Variants in TAFA1 observed in about 807,000 individuals in gnomAD.
TAFA1 encodes the protein TAFA chemokine like family member 1.
Under a neutral mutation model 18.5 loss-of-function variants are expected in TAFA1, and 4 were observed. The observed-to-expected ratio is 0.22, with a 90% CI of 0.11 to 0.49. TAFA1 has a LOEUF of 0.49. Ranked by LOEUF, TAFA1 falls within the 20% of genes least tolerant of loss-of-function variation. The pLI is 0.98. For synonymous variants in TAFA1, 56 were observed against 55.2 expected, an observed-to-expected ratio of 1.01 and a Z score of -0.06; for missense variants, 147 against 169.0, an observed-to-expected ratio of 0.87 and a Z score of 0.72.
intron 2 of TAFA1, among the ~76,000 whole-genome samples, chr3:68,187,732 A>T (rs1238163746): frequency 6.6e-6 from 1 of 151,994 alleles, no homozygotes; most frequent in Non-Finnish European, 1.5e-5. Context: ...TTAGTAGAAA[A>T]TGCCAAGCAG....
At chr3:68,341,803 C>T (rs1040031470) in intron 2 of TAFA1, among the ~76,000 whole-genome samples, 9 of 151,978 alleles carry the variant, frequency 5.9e-5, no homozygotes, top group Middle Eastern at 3.2e-3. Flanking sequence ...GAGGAGTCAC[C>T]GAAGTAAAGG....
At chr3:68,430,054 T>C (rs969795990) in intron 3 of TAFA1, among the ~76,000 whole-genome samples, 1 of 151,958 alleles carries the variant, frequency 6.6e-6, no homozygotes, top group Non-Finnish European at 1.5e-5. Flanking sequence ...AGCCCCTTGC[T>C]GTCATGGAAC....
At chr3:68,415,038 T>A (rs1226927554) in intron 2 of TAFA1, among the ~76,000 whole-genome samples, 2 of 152,010 alleles carry the variant, frequency 1.3e-5, no homozygotes, top group Non-Finnish European at 2.9e-5. Flanking sequence ...AGTTAAAGAG[T>A]GTAATATATG....
At chr3:68,319,330 G>GC (rs2068660758) in intron 2 of TAFA1, among the ~76,000 whole-genome samples, 1 of 152,276 alleles carries the variant, frequency 6.6e-6, no homozygotes, top group African/African-American at 2.4e-5. Flanking sequence ...GGGCTATTTT[G>GC]CCCCCTTCCT....
intron 2 of TAFA1, among the ~76,000 whole-genome samples, chr3:68,333,018 T>C (rs2068908649): frequency 6.6e-6 from 1 of 152,198 alleles, no homozygotes; most frequent in Non-Finnish European, 1.5e-5. Flanking sequence ...GCTGGTGAGG[T>C]TGCAGAGAAA....
chr3:68,302,284 G>A (rs951115847), intron 2 of TAFA1, among the ~76,000 whole-genome samples: 18 of 152,090 alleles, frequency 1.2e-4, no homozygotes, highest in African/African-American at 2.4e-4. Flanking sequence ...AACAGTTCCC[G>A]AGAAAGGCAG....
chr3:68,308,518 GTACCACA>G (rs1559610532), intron 2 of TAFA1, among the ~76,000 whole-genome samples: 1 of 152,016 alleles, frequency 6.6e-6, no homozygotes, highest in East Asian at 1.9e-4. Context: ...CTTCTTATAA[GTACCACA>G]TGCTAACCAA....
In TAFA1 at chr3:68,488,437, C is replaced by A. The variant is rs543850743; in HGVS notation, c.260-50319C>A. ...CTCAAATGTTAATCTTCTTTTGCAA[C>A]ATCCTCAGGGGAACAATACTTTGCA... is the stretch of plus-strand genomic sequence containing the variant. On this transcript the variant is annotated intron_variant, in intron 3 of 4. Transcript: ENST00000478136. Among the ~76,000 whole-genome samples, 17 of 152,306 alleles carry A rather than the reference C, an allele frequency of 1.1e-4. No homozygotes were observed. In the South Asian group the frequency reaches 3.5e-3, roughly 32 times the overall value.
chr3:68,427,075 T>C (rs1459827857), intron 3 of TAFA1, among the ~76,000 whole-genome samples: 1 of 151,834 alleles, frequency 6.6e-6, no homozygotes, highest in Non-Finnish European at 1.5e-5. Context: ...AGATAGGTCA[T>C]GGCACAGCAC....
At chr3:68,477,781 A>G (rs905994072) in intron 3 of TAFA1, among the ~76,000 whole-genome samples, 2 of 152,220 alleles carry the variant, frequency 1.3e-5, no homozygotes, top group Non-Finnish European at 2.9e-5. Flanking sequence ...GCTTTAGAAG[A>G]TATAGCTAGT....
intron 2 of TAFA1, among the ~76,000 whole-genome samples, chr3:68,056,599 G>A (rs2064540028): frequency 6.6e-6 from 1 of 152,146 alleles, no homozygotes; most frequent in African/African-American, 2.4e-5. Context: ...ATATCCCAGT[G>A]AGCAACCAGA....
chr3:68,440,200 GA>G (rs2106864939), intron 3 of TAFA1, among the ~76,000 whole-genome samples: 1 of 152,208 alleles, frequency 6.6e-6, no homozygotes, highest in African/African-American at 2.4e-5. Flanking sequence ...TTTAAAAACA[GA>G]AGTTTCCCTG....
At chr3:68,252,838 G>T (rs546395238) in intron 2 of TAFA1, among the ~76,000 whole-genome samples, 14 of 152,086 alleles carry the variant, frequency 9.2e-5, no homozygotes, top group Non-Finnish European at 1.9e-4. Flanking sequence ...TTGTGGAAGG[G>T]ACCCAGTTGC....
At chr3:68,534,483 A>G (rs1353457854) in intron 3 of TAFA1, among the ~76,000 whole-genome samples, 1 of 152,132 alleles carries the variant, frequency 6.6e-6, no homozygotes, top group African/African-American at 2.4e-5. Flanking sequence ...TTTGTTTTAT[A>G]GACTCAAATT....
chr3:68,505,021 G>A (rs533475896), intron 3 of TAFA1, among the ~76,000 whole-genome samples: 1 of 152,234 alleles, frequency 6.6e-6, no homozygotes. Flanking sequence ...GAGAAGTATG[G>A]CAGCCTATTA....
intron 2 of TAFA1, among the ~76,000 whole-genome samples, chr3:68,318,276 T>G (rs971129538): frequency 1.3e-5 from 2 of 152,196 alleles, no homozygotes; most frequent in East Asian, 1.9e-4. Context: ...ATGCACCATA[T>G]GCTTCTCCCT....
chr3:68,528,065 C>T (rs2073132722), intron 3 of TAFA1, among the ~76,000 whole-genome samples: 1 of 152,150 alleles, frequency 6.6e-6, no homozygotes, highest in South Asian at 2.1e-4. Context: ...TGATCGTATG[C>T]ATTTCAGAAT....
intron 2 of TAFA1, among the ~76,000 whole-genome samples, chr3:68,263,528 A>G (rs2067479759): frequency 6.6e-6 from 1 of 151,718 alleles, no homozygotes; most frequent in Admixed American, 6.6e-5. Context: ...ATAGTCATGA[A>G]GTTACTGGCA....
chr3:68,364,566 T>C (rs989850599), intron 2 of TAFA1, among the ~76,000 whole-genome samples: 1 of 152,208 alleles, frequency 6.6e-6, no homozygotes. Flanking sequence ...GGAACGTATT[T>C]ATCTTATAAA....
Sources: allele counts gnomAD v4.1 joint callset (sites outside exome capture counted in the v4.1 genomes callset), GRCh38; gene constraint gnomAD v4.1.1; transcripts MANE v1.5; gene names NCBI Gene and HGNC (gene_info 2026-07-23, HGNC 2026-07-21).